Variants in GLIS3 observed in about 807,000 individuals in gnomAD.
GLIS3 encodes the protein zinc finger protein GLIS3.
In GLIS3, 53 loss-of-function variants were observed where a neutral mutation model predicts 78.6. The observed-to-expected ratio is 0.67, with a 90% confidence interval of 0.54 to 0.85. The LOEUF is 0.85. Ranked by LOEUF, GLIS3 falls within the 40% of genes least tolerant of loss-of-function variation. The pLI, the probability that GLIS3 is intolerant of heterozygous loss-of-function variation, is 0.00. For missense variants in GLIS3, 1,703 were observed against 1,231.1 expected (o/e 1.38, Z -5.74); for synonymous variants, 684 against 509.9 (o/e 1.34, Z -4.60).
chr9:4,156,033 T>C lies in GLIS3; in HGVS notation c.389-30092A>G, dbSNP rs544693155. Among the ~76,000 whole-genome samples the C allele has an allele frequency of 2.1e-3, 313 of 152,278 alleles. 1 individual carries two copies. Among genetic ancestry groups the C allele is most frequent in the Non-Finnish European group, 3.6e-3 (247 of 68,024 alleles). On this transcript the variant is annotated intron_variant, in intron 2 of 10. Coordinates refer to ENST00000381971, the MANE Select transcript of GLIS3 (RefSeq NM_001042413.2). ...ATCATCCATAACCCAAATAAATCCC[T>C]GAACTCCTCATACCAGTTTCAGGTG... is the stretch of plus-strand genomic sequence containing the variant.
chr9:4,216,185 G>A (rs577103717), intron 2 of GLIS3, among the ~76,000 whole-genome samples: 3 of 152,200 alleles, frequency 2.0e-5, no homozygotes, highest in African/African-American at 7.2e-5. Flanking sequence ...AGAAAATGTG[G>A]GTTGAGGCCA....
the GLIS3 span, among the ~76,000 whole-genome samples, chr9:4,407,616 C>T: frequency 2.0e-5 from 3 of 152,192 alleles, no homozygotes; most frequent in Admixed American, 2.0e-4. Context: ...CACCGCACTC[C>T]AGCCTGGGAG....
Position 3,978,630 on chromosome 9 carries a change from A to G in GLIS3, c.1711-41441T>C, listed in dbSNP as rs192289192. 6.4e-3 allele frequency among the ~76,000 whole-genome samples: 974 copies of G among 151,474 alleles called. 14 individuals carry two copies. The highest frequency in any genetic ancestry group is 0.022 in the African/African-American group (931 of 41,392). Reference sequence around the variant, plus strand: ...TGCAATGTTATGTGTATATGTGTGTATATATATATATAAATACTAATACAG... The same window carrying G: ...TGCAATGTTATGTGTATATGTGTGTGTATATATATATAAATACTAATACAG... On this transcript the variant is annotated intron_variant, in intron 4 of 10. Coordinates refer to ENST00000381971, the MANE Select transcript of GLIS3 (RefSeq NM_001042413.2).
intron 8 of GLIS3, among the ~76,000 whole-genome samples, chr9:3,858,504 G>C (rs1312244414): frequency 1.3e-5 from 2 of 152,048 alleles, no homozygotes; most frequent in Non-Finnish European, 2.9e-5. Context: ...AAATATCATG[G>C]CTTCAACTGA....
At chr9:4,287,780 AG>A in intron 1 of GLIS3, among the ~76,000 whole-genome samples, 1 of 152,248 alleles carries the variant, frequency 6.6e-6, no homozygotes, top group Non-Finnish European at 1.5e-5. Flanking sequence ...TTTTGTGAAG[AG>A]TTTATTTTTC....
At chr9:3,855,069 G>GTATC (rs1208774731) in intron 9 of GLIS3, among the ~76,000 whole-genome samples, 2 of 152,218 alleles carry the variant, frequency 1.3e-5, no homozygotes, top group African/African-American at 4.8e-5. Context: ...TAAAAGGACA[G>GTATC]TATCTCTTCT....
the GLIS3 span, among the ~76,000 whole-genome samples, chr9:4,383,842 T>C: frequency 0.72 from 109,701 of 152,026 alleles, 41,579 homozygotes; most frequent in Non-Finnish European, 0.85. Flanking sequence ...GAGGGAGGTA[T>C]TGAATGGTAA....
intron 1 of GLIS3, among the ~76,000 whole-genome samples, chr9:4,297,218 G>C (rs1365157452): frequency 6.6e-6 from 1 of 152,152 alleles, no homozygotes; most frequent in Non-Finnish European, 1.5e-5. Context: ...CAGAAATCAT[G>C]ACTCATCAAA....
chr9:4,016,962 C>G (rs933399644), intron 4 of GLIS3, among the ~76,000 whole-genome samples: 1 of 152,178 alleles, frequency 6.6e-6, no homozygotes, highest in Non-Finnish European at 1.5e-5. Context: ...GATCCACAAG[C>G]CGAACAATCA....
At chr9:4,384,165 C>T in the GLIS3 span, among the ~76,000 whole-genome samples, 1 of 152,182 alleles carries the variant, frequency 6.6e-6, no homozygotes. Context: ...GAGGTGTACA[C>T]GTTTTCCTCC....
chr9:4,161,731 A>C (rs1377734499), intron 2 of GLIS3, among the ~76,000 whole-genome samples: 8 of 133,522 alleles, frequency 6.0e-5, no homozygotes. Flanking sequence ...AAGCTGGAGT[A>C]CAGTGGCGCA....
chr9:4,235,028 G>A (rs1395715905), intron 2 of GLIS3, among the ~76,000 whole-genome samples: 1 of 152,140 alleles, frequency 6.6e-6, no homozygotes, highest in Non-Finnish European at 1.5e-5. Flanking sequence ...GCCAGGCGCG[G>A]TGGCTCACGC....
intron 9 of GLIS3, among the ~76,000 whole-genome samples, chr9:3,853,248 A>G (rs1201506365): frequency 3.3e-5 from 5 of 152,210 alleles, no homozygotes; most frequent in Admixed American, 6.5e-5. Flanking sequence ...AAAAATCCCA[A>G]CAATTTCAAG....
the GLIS3 span, among the ~76,000 whole-genome samples, chr9:4,435,725 G>A: frequency 2.6e-5 from 4 of 152,188 alleles, no homozygotes; most frequent in Admixed American, 6.5e-5. Context: ...CAAGGCGGGC[G>A]GATCATGAGG....
In GLIS3 at chr9:3,987,020, A is replaced by T. The variant is rs955227236; in HGVS notation, c.1711-49831T>A. ...ATCAGATGAATTAGATCTTGAAATG[A>T]TCTGAAAAGGATTTTAAAGCAGCTG... On this transcript the variant is annotated intron_variant, in intron 4 of 10. Transcript: ENST00000381971. 2.6e-5 allele frequency among the ~76,000 whole-genome samples: 4 copies of T among 152,364 alleles called. No homozygotes were observed. In the South Asian group the frequency reaches 8.3e-4, roughly 32 times the overall value.
chr9:4,460,618 T>G, the GLIS3 span, among the ~76,000 whole-genome samples: 3 of 139,146 alleles, frequency 2.2e-5, no homozygotes. Context: ...GACATCTCAC[T>G]AAACAGAAGC....
At position 4,041,528 on chromosome 9, in the gene GLIS3, A is replaced by AGT. The variant is rs982726980; in HGVS notation, c.1710+76238_1710+76239dup. ...TCTGCCTTACCAGAGCTCCATTTTT[A>AGT]GTGTGTGTGTGTCTCTGTGATGTTA... On this transcript the variant is annotated intron_variant, in intron 4 of 10. Coordinates refer to ENST00000381971, the MANE Select transcript of GLIS3 (RefSeq NM_001042413.2). 2.4e-4 allele frequency among the ~76,000 whole-genome samples: 36 copies of AGT among 152,066 alleles called. 1 individual carries two copies. The highest frequency in any genetic ancestry group is 2.3e-3 in the Admixed American group (35 of 15,262).
chr9:4,441,921 T>G, the GLIS3 span, among the ~76,000 whole-genome samples: 12 of 152,274 alleles, frequency 7.9e-5, 1 homozygote, highest in South Asian at 2.5e-3. Flanking sequence ...CTTTTTTTGT[T>G]GTTGTCTTTG....
chr9:4,182,659 C>T (rs908243649), intron 2 of GLIS3, among the ~76,000 whole-genome samples: 1 of 152,192 alleles, frequency 6.6e-6, no homozygotes, highest in African/African-American at 2.4e-5. Flanking sequence ...TGGGCAAGAT[C>T]TCCATGAGTC....
Sources: allele counts gnomAD v4.1 joint callset (sites outside exome capture counted in the v4.1 genomes callset), GRCh38; gene constraint gnomAD v4.1.1; transcripts MANE v1.5; gene names NCBI Gene and HGNC (gene_info 2026-07-23, HGNC 2026-07-21).